The following LAMA3 variants were observed in gnomAD, a reference collection of about 807,000 sequenced individuals.
LAMA3 encodes the protein laminin subunit alpha-3.
In LAMA3, 281 loss-of-function variants were observed where a neutral mutation model predicts 402.0. That is an observed-to-expected ratio of 0.70 (90% confidence interval 0.63 to 0.77). The LOEUF is 0.77. Among genes scored for constraint, LAMA3 ranks in the 30% least tolerant of loss-of-function variants. The probability of loss-of-function intolerance (pLI) is 0.00; values close to 1 mark genes in which losing one functional copy is unlikely to be tolerated. For synonymous variants in LAMA3, 1,431 were observed against 1,558.4 expected, an observed-to-expected ratio of 0.92 and a Z score of 1.93; for missense variants, 3,840 against 4,215.5, an observed-to-expected ratio of 0.91 and a Z score of 2.47.
At chr18:23,798,420 A>C (rs1480597396) in intron 12 of LAMA3, among the ~76,000 whole-genome samples, 3 of 152,118 alleles carry the variant, frequency 2.0e-5, no homozygotes, top group African/African-American at 7.2e-5. Context: ...GTTGTCAGTG[A>C]GAGATTAACC....
At chr18:23,921,380 T>C in intron 61 of LAMA3, 72 bp from the exon 62 acceptor site, 2 of 1,501,782 alleles carry the variant, frequency 1.3e-6, no homozygotes, top group East Asian at 2.3e-5. Flanking sequence ...AAAAACATGA[T>C]AGTTCTGAAC....
At chr18:23,814,926 A>ATC (rs1178100724) in intron 15 of LAMA3, among the ~76,000 whole-genome samples, 1 of 152,256 alleles carries the variant, frequency 6.6e-6, no homozygotes, top group African/African-American at 2.4e-5. Flanking sequence ...ATCATTCAAA[A>ATC]ATCCCATGAT....
intron 59 of LAMA3, among the ~76,000 whole-genome samples, chr18:23,916,037 G>GA (rs11448357): frequency 0.74 from 67,782 of 91,770 alleles, 26,818 homozygotes; most frequent in Non-Finnish European, 0.86. Context: ...AAAAAGAAAA[G>GA]AAAAGAAAAA....
At position 23,819,898 on chromosome 18, in the gene LAMA3, C is replaced by T. The variant is rs376350919; in HGVS notation, c.2205C>T (p.Asp735=). 3.8e-5 allele frequency: 62 copies of T among 1,613,982 alleles called. No individual in the cohort carries two copies. Among genetic ancestry groups the T allele is most frequent in the Middle Eastern group, 1.6e-4 (1 of 6,062 alleles). The part of the protein sequence containing the change: ...DLHHMKYEIE[D]GSTPNGRDLR... ...ATCATATGAAGTATGAGATTGAAGA[C>T]GGCAGCACACCTAATGGGAGAGACC... The change falls in exon 19 of 75, where the codon GAC becomes GAT. Residue 735 remains aspartate, a synonymous_variant. Transcript: ENST00000313654.
rs778826328 is a variant in LAMA3 at position 23,943,888 on chromosome 18, C to G, written c.9127C>G (p.Arg3043Gly). ...TATGGCTCTTTATCTTTCAAAAGGA[C>G]GTCTGGTCTTTGCACTGGGGACAGA... ...SFMALYLSKG[R>G]LVFALGTDGK... The change falls in exon 69 of 75, where the codon CGT becomes GGT. Residue 3043 changes from arginine to glycine, a missense_variant. Arg to Gly is a moderately radical substitution (Grantham distance 125, BLOSUM62 -2). Coordinates refer to ENST00000313654, the MANE Select transcript of LAMA3 (RefSeq NM_198129.4). 6.2e-7 allele frequency: 1 copy of G among 1,613,900 alleles called. No individual in the cohort carries two copies. The highest frequency in any genetic ancestry group is 8.5e-7 in the Non-Finnish European group (1 of 1,179,850).
At chr18:23,728,894 G>A (rs1238256725) in intron 2 of LAMA3, among the ~76,000 whole-genome samples, 1 of 151,894 alleles carries the variant, frequency 6.6e-6, no homozygotes, top group African/African-American at 2.4e-5. Flanking sequence ...AGCTAGGTGT[G>A]GTGGTGCGCA....
intron 12 of LAMA3, among the ~76,000 whole-genome samples, chr18:23,798,734 A>G (rs2062813514): frequency 6.6e-6 from 1 of 152,246 alleles, no homozygotes; most frequent in Non-Finnish European, 1.5e-5. Flanking sequence ...TCCAAAGCCC[A>G]GTGCCAGAGA....
intron 1 of LAMA3, among the ~76,000 whole-genome samples, chr18:23,712,844 CCT>C (rs2061021753): frequency 6.6e-6 from 1 of 151,580 alleles, no homozygotes; most frequent in Admixed American, 6.6e-5. Flanking sequence ...TATAAGTTTG[CCT>C]CTTTGTCCCC....
chr18:23,924,336 A>G (rs2081937889), intron 62 of LAMA3, among the ~76,000 whole-genome samples: 2 of 151,364 alleles, frequency 1.3e-5, no homozygotes, highest in Non-Finnish European at 2.9e-5. Context: ...TATTTTTAGC[A>G]GAGACGGGGT....
rs575711611 is a variant in LAMA3 at position 23,827,694 on chromosome 18, G to A, written c.2823+227G>A. On this transcript the variant is annotated intron_variant, in intron 23 of 74. Coordinates refer to ENST00000313654, the MANE Select transcript of LAMA3 (RefSeq NM_198129.4). ...TGAGCACTTTCTAGACATGGCAGGGGATGTGGGCATCTATAGAATCCTTTC... is the reference window on the plus strand; with the variant it reads ...TGAGCACTTTCTAGACATGGCAGGGAATGTGGGCATCTATAGAATCCTTTC... Among the ~76,000 whole-genome samples, 20 of 152,246 alleles carry A rather than the reference G, an allele frequency of 1.3e-4. No homozygotes were observed. The South Asian group carries it at 2.3e-3, about 17-fold the overall frequency.
chr18:23,816,169 G>A (rs916985237), intron 17 of LAMA3, among the ~76,000 whole-genome samples: 17 of 152,142 alleles, frequency 1.1e-4, no homozygotes, highest in African/African-American at 3.9e-4. Context: ...TTTGGTTTTG[G>A]TTTTGGTTTT....
chr18:23,952,026 A>G (rs1294409952), intron 73 of LAMA3, among the ~76,000 whole-genome samples: 1 of 152,216 alleles, frequency 6.6e-6, no homozygotes. Context: ...TTTGGAGCCC[A>G]GCACACTAAT....
Position 23,814,502 on chromosome 18 carries a change from G to A in LAMA3, c.1888G>A (p.Glu630Lys). The part of the protein sequence containing the change: ...LDKENPSGCS[E>K]CKCHKAGTVS... ...CAAAGAAAACCCCAGTGGATGTTCA[G>A]GTAGGTTTCTTATATGTCATAATTT... Residue 630 changes from glutamate to lysine, a missense_variant and splice_region_variant, in exon 15 of 75, where the codon GAA becomes AAA. By Grantham distance (56) the Glu-to-Lys change is moderately conservative. Transcript: ENST00000313654. 1 of 1,599,282 alleles carries A rather than the reference G, an allele frequency of 6.3e-7. No homozygotes were observed. The highest frequency in any genetic ancestry group is 8.6e-7 in the Non-Finnish European group (1 of 1,166,630).
intron 40 of LAMA3, 47 bp from the exon 41 acceptor site, chr18:23,884,706 GTAAAAAATAAGCATAAATCC>G: frequency 7.2e-7 from 1 of 1,390,192 alleles, no homozygotes; most frequent in Admixed American, 1.7e-5. Flanking sequence ...GTCCTTTGTG[GTAAAAAATAAGCATAAATCC>G]TATCGATCTG....
Position 23,864,867 on chromosome 18 carries a change from CG to C in LAMA3, c.4669del (p.Asp1557MetfsTer50), listed in dbSNP as rs1568272092. The C allele has an allele frequency of 1.2e-6, 2 of 1,612,148 alleles. No individual in the cohort carries two copies. Among genetic ancestry groups the C allele is most frequent in the South Asian group, 2.2e-5 (2 of 91,040 alleles). On this transcript the variant is annotated frameshift_variant, in exon 36 of 75. Transcript: ENST00000313654. LOFTEE classifies it high-confidence loss of function. ...GACATGGTTCTTCTGGAAAAGAAGC[CG>C]GATGTACAGCTCACTGTAGGTATCA... ...PGDMVLLEKK[P>X]DVQLTGQHMS...
chr18:23,841,380 G>A (rs1484969037), intron 27 of LAMA3, among the ~76,000 whole-genome samples: 1 of 152,190 alleles, frequency 6.6e-6, no homozygotes, highest in African/African-American at 2.4e-5. Flanking sequence ...TTGAGCCAAA[G>A]GAGGGTGGGC....
intron 35 of LAMA3, among the ~76,000 whole-genome samples, chr18:23,862,027 C>G (rs755723722): frequency 6.6e-6 from 1 of 152,204 alleles, no homozygotes; most frequent in Admixed American, 6.5e-5. Flanking sequence ...GAGCTACCAG[C>G]AAAGGAAATC....
intron 12 of LAMA3, among the ~76,000 whole-genome samples, chr18:23,809,071 C>A (rs2063018571): frequency 6.6e-6 from 1 of 152,152 alleles, no homozygotes; most frequent in South Asian, 2.1e-4. Context: ...TAAAGAGCAC[C>A]TCCCCAAGCA....
chr18:23,847,943 G>T (rs2063858573), intron 32 of LAMA3, among the ~76,000 whole-genome samples: 1 of 152,238 alleles, frequency 6.6e-6, no homozygotes, highest in South Asian at 2.1e-4. Context: ...CTATGGGACT[G>T]TGTTCTGTGT....
Sources: allele counts gnomAD v4.1 joint callset (sites outside exome capture counted in the v4.1 genomes callset), GRCh38; gene constraint gnomAD v4.1.1; transcripts MANE v1.5; gene names NCBI Gene and HGNC (gene_info 2026-07-23, HGNC 2026-07-21).